The following DSCAM variants were observed in gnomAD, a reference collection of about 807,000 sequenced individuals.
DSCAM encodes the protein cell adhesion molecule DSCAM.
A neutral mutation model predicts 217.7 loss-of-function variants in DSCAM; 47 were observed. The observed-to-expected ratio is 0.22, with a 90% confidence interval of 0.17 to 0.28. The LOEUF is 0.28. Ranked by LOEUF, DSCAM falls within the 10% of genes least tolerant of loss-of-function variation. The probability of loss-of-function intolerance (pLI) is 1.00; values close to 1 mark genes in which losing one functional copy is unlikely to be tolerated. For synonymous variants in DSCAM, 1,056 were observed against 1,015.3 expected (o/e 1.04, Z -0.76); for missense variants, 2,080 against 2,618.3 (o/e 0.79, Z 4.49).
intron 1 of DSCAM, among the ~76,000 whole-genome samples, chr21:40,814,523 T>G (rs1569049772): frequency 2.0e-5 from 3 of 152,216 alleles, no homozygotes; most frequent in South Asian, 4.1e-4. Flanking sequence ...AATGCTCACA[T>G]AAACACAAGG....
intron 1 of DSCAM, among the ~76,000 whole-genome samples, chr21:40,798,655 C>T (rs550972760): frequency 2.2e-4 from 34 of 152,008 alleles, no homozygotes; most frequent in Admixed American, 5.9e-4. Context: ...TATGGAAGAA[C>T]GTCTACTGAT....
intron 3 of DSCAM, among the ~76,000 whole-genome samples, chr21:40,412,308 CAAG>C (rs2075330695): frequency 6.6e-6 from 1 of 152,090 alleles, no homozygotes; most frequent in Non-Finnish European, 1.5e-5. Context: ...AACTGGGTAA[CAAG>C]AAGAGGCTGG....
rs572487320 is a variant in DSCAM, at chr21:40,744,337, C to T, written c.44-35566G>A. Among the ~76,000 whole-genome samples, 16 of 152,188 alleles carry T rather than the reference C, an allele frequency of 1.1e-4. No homozygotes were observed. The South Asian group carries it at 3.1e-3, about 30-fold the overall frequency. On this transcript the variant is annotated intron_variant, in intron 1 of 32. Coordinates refer to ENST00000400454, the MANE Select transcript of DSCAM (RefSeq NM_001389.5). Reference sequence around the variant, plus strand: ...GATGCAGATGTCATACTGAGGAGACCGGCCAGCACTATAGTGCTGCAGGAA... The same window carrying T: ...GATGCAGATGTCATACTGAGGAGACTGGCCAGCACTATAGTGCTGCAGGAA...
intron 1 of DSCAM, among the ~76,000 whole-genome samples, chr21:40,781,372 G>A (rs2091542951): frequency 6.6e-6 from 1 of 151,950 alleles, no homozygotes; most frequent in African/African-American, 2.4e-5. Flanking sequence ...CATATAGAAC[G>A]GCAGAACATC....
chr21:40,295,758 T>C (rs903991107), intron 10 of DSCAM, among the ~76,000 whole-genome samples: 10 of 152,192 alleles, frequency 6.6e-5, no homozygotes, highest in Admixed American at 2.0e-4. Context: ...ACCATGGTTA[T>C]GTAATACAGG....
chr21:40,138,111 A>G (rs1004871382), intron 18 of DSCAM, among the ~76,000 whole-genome samples: 3 of 152,262 alleles, frequency 2.0e-5, no homozygotes, highest in African/African-American at 7.2e-5. Context: ...CAAATATACT[A>G]ACCAGTTTTA....
At chr21:40,518,749 T>C (rs766057279) in intron 3 of DSCAM, among the ~76,000 whole-genome samples, 2 of 149,570 alleles carry the variant, frequency 1.3e-5, no homozygotes, top group Non-Finnish European at 1.5e-5. Flanking sequence ...CATTGAGTTA[T>C]AGGAAGAACA....
chr21:40,075,998 C>T, intron 26 of DSCAM, among the ~76,000 whole-genome samples: 1 of 152,032 alleles, frequency 6.6e-6, no homozygotes, highest in Non-Finnish European at 1.5e-5. Flanking sequence ...ATTTTGCTAC[C>T]CTCCATTATA....
intron 3 of DSCAM, among the ~76,000 whole-genome samples, chr21:40,398,280 C>T (rs1298963632): frequency 1.3e-5 from 2 of 152,246 alleles, no homozygotes; most frequent in South Asian, 2.1e-4. Context: ...AGTTCAAGGT[C>T]CCCTTAAACA....
chr21:40,242,487 T>C (rs2073167051), intron 11 of DSCAM, among the ~76,000 whole-genome samples: 2 of 152,160 alleles, frequency 1.3e-5, no homozygotes, highest in East Asian at 1.9e-4. Flanking sequence ...TGAGCAGAAG[T>C]ACCATGTGGT....
Position 40,322,224 on chromosome 21 carries a change from G to A in DSCAM, c.1784-9865C>T, listed in dbSNP as rs561666909. 5.9e-4 allele frequency among the ~76,000 whole-genome samples: 89 copies of A among 152,112 alleles called. No homozygotes were observed. In the South Asian group the frequency reaches 0.015, roughly 25 times the overall value. On this transcript the variant is annotated intron_variant, in intron 8 of 32. Coordinates refer to ENST00000400454, the MANE Select transcript of DSCAM (RefSeq NM_001389.5). ...CCCAGGACATTTGCTGCTTCCTGTC[G>A]TGTGTTGCCATCATTTGTCTGTGGG...
intron 11 of DSCAM, among the ~76,000 whole-genome samples, chr21:40,251,466 G>A (rs2073303877): frequency 6.6e-6 from 1 of 152,202 alleles, no homozygotes. Context: ...ACCTGTTGAG[G>A]TAACACTTCT....
chr21:40,470,679 A>G (rs1440479289), intron 3 of DSCAM, among the ~76,000 whole-genome samples: 2 of 152,108 alleles, frequency 1.3e-5, no homozygotes, highest in Non-Finnish European at 2.9e-5. Flanking sequence ...TCGGCCTCCC[A>G]AGAAGCTGGA....
chr21:40,470,435 T>C (rs75776772), intron 3 of DSCAM, among the ~76,000 whole-genome samples: 2,348 of 152,340 alleles, frequency 0.015, 69 homozygotes, highest in African/African-American at 0.054. Flanking sequence ...CAAGGTTTGC[T>C]TCTGCGAGGC....
chr21:40,408,214 G>T (rs529446941), intron 3 of DSCAM, among the ~76,000 whole-genome samples: 1 of 152,072 alleles, frequency 6.6e-6, no homozygotes, highest in Admixed American at 6.5e-5. Flanking sequence ...AATAATTCAG[G>T]GTTAGCATTG....
At chr21:40,612,916 T>C (rs941814169) in intron 3 of DSCAM, among the ~76,000 whole-genome samples, 2 of 152,192 alleles carry the variant, frequency 1.3e-5, no homozygotes, top group East Asian at 1.9e-4. Context: ...TCCTTCATTT[T>C]TTCTTTCCAG....
chr21:40,804,295 C>T (rs1255409292), intron 1 of DSCAM, among the ~76,000 whole-genome samples: 1 of 152,144 alleles, frequency 6.6e-6, no homozygotes, highest in East Asian at 1.9e-4. Flanking sequence ...GTTGTTTTTC[C>T]AGAGGATCAC....
intron 1 of DSCAM, among the ~76,000 whole-genome samples, chr21:40,840,005 A>G (rs541995285): frequency 5.6e-4 from 86 of 152,228 alleles, no homozygotes; most frequent in Non-Finnish European, 1.1e-3. Context: ...AAGATCAAAA[A>G]TTAATCCAGT....
intron 2 of DSCAM, among the ~76,000 whole-genome samples, chr21:40,705,012 T>G (rs766856084): frequency 6.6e-6 from 1 of 152,212 alleles, no homozygotes; most frequent in South Asian, 2.1e-4. Context: ...CTGGAAGAAC[T>G]TGATCAGATA....
Sources: gnomAD v4.1 joint callset for allele counts (sites outside exome capture counted in the v4.1 genomes callset) on GRCh38, gnomAD v4.1.1 for gene constraint, MANE v1.5 for transcripts, NCBI Gene and HGNC (gene_info 2026-07-23, HGNC 2026-07-21) for gene names.